The following RALGAPA1 variants were observed in gnomAD, a reference collection of about 807,000 sequenced individuals.
RALGAPA1 encodes ral GTPase-activating protein subunit alpha-1.
In RALGAPA1, 52 loss-of-function variants were observed where a neutral mutation model predicts 269.6. The ratio of observed to expected loss-of-function variants is 0.19; its 90% CI spans 0.15 to 0.24. The LOEUF (loss-of-function observed/expected upper bound fraction) is 0.24, where lower values mean the gene tolerates loss of function less well. RALGAPA1 is among the 10% of genes least tolerant of loss of function. The pLI, the probability that RALGAPA1 is intolerant of heterozygous loss-of-function variation, is 1.00. For synonymous variants in RALGAPA1, 817 were observed against 1,008.3 expected (o/e 0.81, Z 3.60); for missense variants, 1,917 against 3,013.9 (o/e 0.64, Z 8.52).
At chr14:35,599,996 C>T (rs906633258) in intron 36 of RALGAPA1, among the ~76,000 whole-genome samples, 4 of 151,930 alleles carry the variant, frequency 2.6e-5, no homozygotes, top group Non-Finnish European at 4.4e-5. Flanking sequence ...TGGGTTTCAC[C>T]GACCTTTTTG....
intron 1 of RALGAPA1, among the ~76,000 whole-genome samples, chr14:35,806,628 C>T (rs1409555395): frequency 1.3e-5 from 2 of 152,044 alleles, no homozygotes; most frequent in Non-Finnish European, 2.9e-5. Context: ...CCATAAGTAC[C>T]CTGAGTGAAT....
At chr14:35,659,022 T>G in intron 28 of RALGAPA1, 116 bp downstream of exon 28, 1 of 526,144 alleles carries the variant, frequency 1.9e-6, no homozygotes, top group East Asian at 3.3e-5. Context: ...CTTAAAATTG[T>G]AATTCAGAAT....
At position 35,760,838 on chromosome 14, in the gene RALGAPA1, G is replaced by T. The variant is rs1383509771; in HGVS notation, c.538C>A (p.Leu180Ile). ...LDNLINPPLN[L>I]QETQVTIEEI... ...ATCCCATGAATCTTACTTTCTTGAA[G>T]GTTGAGTGGAGGATTAATGAGATTA... Residue 180 changes from leucine (L) to isoleucine (I), a missense_variant, in exon 6 of 42, where the codon CTT (leucine) becomes ATT (isoleucine). Leu to Ile is a conservative substitution (Grantham distance 5). Coordinates refer to ENST00000680220, the MANE Select transcript of RALGAPA1 (RefSeq NM_001346249.2). The T allele has an allele frequency of 3.7e-6, 6 of 1,610,436 alleles. No individual in the cohort carries two copies. Among genetic ancestry groups the T allele is most frequent in the Non-Finnish European group, 3.4e-6 (4 of 1,178,452 alleles).
chr14:35,698,396 A>G (rs538128330), intron 17 of RALGAPA1, among the ~76,000 whole-genome samples: 7 of 152,244 alleles, frequency 4.6e-5, no homozygotes, highest in African/African-American at 1.4e-4. Flanking sequence ...CTTAACATGA[A>G]TATTTGCCAA....
chr14:35,605,549 C>T, intron 36 of RALGAPA1, 37 bp downstream of exon 36: 1 of 1,538,464 alleles, frequency 6.5e-7, no homozygotes, highest in Non-Finnish European at 8.7e-7. Flanking sequence ...GCTTATGCTT[C>T]CAAATATAAA....
chr14:35,684,840 G>T, intron 20 of RALGAPA1, 89 bp downstream of exon 20: 1 of 1,316,564 alleles, frequency 7.6e-7, no homozygotes, highest in Non-Finnish European at 1.0e-6. Flanking sequence ...ACACTGGAGA[G>T]GAAGGTGATG....
At position 35,742,219 on chromosome 14, in the gene RALGAPA1, T is replaced by C. The variant is rs116110269; in HGVS notation, c.1449+149A>G. The C allele has an allele frequency of 7.2e-3, 4,736 of 656,440 alleles. 158 individuals carry two copies. The African/African-American group carries it at 0.075, about 10-fold the overall frequency. The allele number at this position is 656,440 out of a possible 1,614,324, so 40.7% of individuals were successfully genotyped here. On this transcript the variant is annotated intron_variant, in intron 11 of 41. Transcript: ENST00000680220. ...TGCTATACGGTACTGAGATGACTAC[T>C]TATATTACCTAAATTGTTGCAAAAT...
At chr14:35,782,996 A>G (rs2075558578) in intron 1 of RALGAPA1, among the ~76,000 whole-genome samples, 2 of 151,338 alleles carry the variant, frequency 1.3e-5, no homozygotes, top group Admixed American at 6.6e-5. Context: ...TCATTTTTTA[A>G]ATTTTTTGTA....
chr14:35,688,833 GTGC>G lies in RALGAPA1; in HGVS notation c.3575_3577del (p.Ser1192del). 7.5e-7 allele frequency: 1 copy of G among 1,331,918 alleles called. No individual in the cohort carries two copies. The highest frequency in any genetic ancestry group is 9.6e-7 in the Non-Finnish European group (1 of 1,044,776). 82.5% of individuals were successfully genotyped at this position (1,331,918 alleles called of 1,614,324 possible). A position where few individuals can be genotyped will look rare whatever the true frequency, so the allele number is the denominator to read the frequency against. ...ATTTGTGCTGGTATGGGTGTTGCTAGTGCTGCTATTGCTGCTACCACTACTAAA... is the reference window on the plus strand; with the variant it reads ...ATTTGTGCTGGTATGGGTGTTGCTAGTGCTATTGCTGCTACCACTACTAAA... On this transcript the variant is annotated inframe_deletion, in exon 18 of 42. Coordinates refer to ENST00000680220, the MANE Select transcript of RALGAPA1 (RefSeq NM_001346249.2).
chr14:35,757,208 G>A (rs187955874), intron 6 of RALGAPA1, among the ~76,000 whole-genome samples: 49 of 150,420 alleles, frequency 3.3e-4, no homozygotes, highest in African/African-American at 3.2e-4. Flanking sequence ...TGCAACCTCC[G>A]CCTCCCAGGT....
At chr14:35,715,530 T>C (rs1157122322) in intron 16 of RALGAPA1, among the ~76,000 whole-genome samples, 2 of 152,178 alleles carry the variant, frequency 1.3e-5, no homozygotes, top group East Asian at 3.8e-4. Context: ...ATCTAAATTT[T>C]CTCTCTCTTT....
intron 7 of RALGAPA1, among the ~76,000 whole-genome samples, chr14:35,755,223 G>A (rs982550564): frequency 1.3e-5 from 2 of 151,914 alleles, no homozygotes; most frequent in African/African-American, 2.4e-5. Flanking sequence ...GCCAGGCTCA[G>A]TGGTCTGTAG....
At chr14:35,687,858 A>T (rs2066093137) in intron 18 of RALGAPA1, among the ~76,000 whole-genome samples, 1 of 152,234 alleles carries the variant, frequency 6.6e-6, no homozygotes, top group Admixed American at 6.5e-5. Context: ...AGCCTACAGC[A>T]TGTTTGGAAA....
intron 35 of RALGAPA1, among the ~76,000 whole-genome samples, chr14:35,616,558 G>A (rs892998910): frequency 3.3e-5 from 5 of 152,186 alleles, no homozygotes; most frequent in Non-Finnish European, 7.4e-5. Context: ...TAGAAAGAAT[G>A]AGCCCTAATG....
chr14:35,658,962 TTAG>T (rs1479498511), intron 28 of RALGAPA1, among the ~76,000 whole-genome samples, 173 bp downstream of exon 28: 1 of 152,010 alleles, frequency 6.6e-6, no homozygotes, highest in Non-Finnish European at 1.5e-5. Context: ...TGAAGAAAGG[TTAG>T]TATTTAAATC....
At chr14:35,628,086 T>A (rs1200910981) in intron 33 of RALGAPA1, 135 bp from the exon 34 acceptor site, 1 of 1,031,428 alleles carries the variant, frequency 9.7e-7, no homozygotes, top group Admixed American at 3.0e-5. Flanking sequence ...AATACAGTAA[T>A]GATGGCAAAA....
rs869302363 is a variant in RALGAPA1 at position 35,554,338 on chromosome 14, C to CTTTTTTTTTT, written c.7497-5114_7497-5105dup. Among the ~76,000 whole-genome samples the CTTTTTTTTTT allele has an allele frequency of 4.4e-4, 38 of 85,766 alleles. 3 individuals are homozygous for CTTTTTTTTTT. Among genetic ancestry groups the CTTTTTTTTTT allele is most frequent in the Non-Finnish European group, 6.4e-4 (30 of 46,954 alleles). The allele number at this position is 85,766 out of a possible 152,430, so 56.3% of individuals were successfully genotyped here. On this transcript the variant is annotated intron_variant, in intron 39 of 41. Coordinates refer to ENST00000680220, the MANE Select transcript of RALGAPA1 (RefSeq NM_001346249.2). ...CTTGTTCTTCTACTAAATACACTTT[C>CTTTTTTTTTT]TTTTTTTTTTTTTTTTTTTTTTTTT...
rs2077561093 is a variant in RALGAPA1, at chr14:35,808,894, G to T, written c.-59C>A. Reference sequence around the variant, plus strand: ...GCCGGCTCCCAGCCGGGTCCCGGCGGCAGAAAGTGGAGGGAGTGGACGGGG... The same window carrying T: ...GCCGGCTCCCAGCCGGGTCCCGGCGTCAGAAAGTGGAGGGAGTGGACGGGG... On this transcript the variant is annotated 5_prime_UTR_variant, in exon 1 of 42. Coordinates refer to ENST00000680220, the MANE Select transcript of RALGAPA1 (RefSeq NM_001346249.2). 6.4e-7 allele frequency: 1 copy of T among 1,568,650 alleles called. No individual in the cohort carries two copies. The highest frequency in any genetic ancestry group is 1.3e-5 in the African/African-American group (1 of 74,092).
At chr14:35,693,375 T>C (rs1020044570) in intron 17 of RALGAPA1, among the ~76,000 whole-genome samples, 5 of 151,814 alleles carry the variant, frequency 3.3e-5, no homozygotes, top group Admixed American at 2.0e-4. Flanking sequence ...CTAAAAATAA[T>C]GGTGGCATCA....
Sources: gnomAD v4.1 joint callset for allele counts (sites outside exome capture counted in the v4.1 genomes callset) on GRCh38, gnomAD v4.1.1 for gene constraint, MANE v1.5 for transcripts, NCBI Gene and HGNC (gene_info 2026-07-23, HGNC 2026-07-21) for gene names.